The following GRM8 variants were observed in gnomAD, a reference collection of about 807,000 sequenced individuals.
GRM8 encodes metabotropic glutamate receptor 8.
Under a neutral mutation model 87.2 loss-of-function variants are expected in GRM8, and 47 were observed. The observed-to-expected ratio is 0.54, with a 90% CI of 0.43 to 0.69. GRM8 has a LOEUF of 0.69. Ranked by LOEUF, GRM8 falls within the 30% of genes least tolerant of loss-of-function variation. The probability of loss-of-function intolerance (pLI) is 0.00; values close to 1 mark genes in which losing one functional copy is unlikely to be tolerated. For synonymous variants in GRM8, 396 were observed against 404.5 expected, an observed-to-expected ratio of 0.98 and a Z score of 0.25; for missense variants, 1,019 against 1,139.2, an observed-to-expected ratio of 0.89 and a Z score of 1.52.
chr7:127,003,665 A>G (rs551180025), intron 3 of GRM8, among the ~76,000 whole-genome samples: 3 of 151,922 alleles, frequency 2.0e-5, no homozygotes, highest in African/African-American at 7.2e-5. Flanking sequence ...GTAACACGTC[A>G]AAGTCTAAAC....
At chr7:126,558,672 A>G (rs898753105) in intron 8 of GRM8, among the ~76,000 whole-genome samples, 11 of 152,196 alleles carry the variant, frequency 7.2e-5, no homozygotes, top group Admixed American at 2.0e-4. Flanking sequence ...AATAATGATG[A>G]GAAAAAAAAG....
intron 2 of GRM8, among the ~76,000 whole-genome samples, chr7:127,179,745 T>C (rs965114114): frequency 2.6e-5 from 4 of 152,156 alleles, no homozygotes; most frequent in Admixed American, 1.3e-4. Context: ...TGTTCCTGAA[T>C]GAGCATTGGG....
At chr7:126,558,620 G>A (rs531504201) in intron 8 of GRM8, among the ~76,000 whole-genome samples, 1 of 152,210 alleles carries the variant, frequency 6.6e-6, no homozygotes, top group African/African-American at 2.4e-5. Flanking sequence ...CTCATACAAT[G>A]TAAATTCTAC....
chr7:127,202,359 G>A (rs1021425356), intron 2 of GRM8, among the ~76,000 whole-genome samples: 2 of 152,028 alleles, frequency 1.3e-5, no homozygotes, highest in Non-Finnish European at 2.9e-5. Context: ...TGTATTTTTA[G>A]TAGAAACAGG....
At chr7:127,199,268 G>A (rs1388909705) in intron 2 of GRM8, among the ~76,000 whole-genome samples, 5 of 152,164 alleles carry the variant, frequency 3.3e-5, no homozygotes, top group African/African-American at 2.4e-5. Flanking sequence ...TTCCTAGAAT[G>A]GATTTTCAAC....
chr7:126,439,908 A>G (rs1801263748), intron 10 of GRM8, among the ~76,000 whole-genome samples: 1 of 151,972 alleles, frequency 6.6e-6, no homozygotes, highest in Non-Finnish European at 1.5e-5. Context: ...AAATAAAAAT[A>G]GAAAAAAGTC....
chr7:126,969,564 T>G (rs1246547244), intron 3 of GRM8, among the ~76,000 whole-genome samples: 1 of 152,196 alleles, frequency 6.6e-6, no homozygotes, highest in Non-Finnish European at 1.5e-5. Flanking sequence ...CAAATTCCAC[T>G]TCTAATTCTA....
chr7:126,970,680 T>C (rs924312362), intron 3 of GRM8, among the ~76,000 whole-genome samples: 1 of 152,192 alleles, frequency 6.6e-6, no homozygotes, highest in Non-Finnish European at 1.5e-5. Flanking sequence ...AACTTTCCAG[T>C]TGCATTCACA....
intron 7 of GRM8, among the ~76,000 whole-genome samples, chr7:126,722,333 A>C (rs1812476366): frequency 6.6e-6 from 1 of 152,096 alleles, no homozygotes; most frequent in South Asian, 2.1e-4. Context: ...TCATCTAGCC[A>C]AGTATCACCA....
At chr7:126,717,496 T>C (rs75722267) in intron 7 of GRM8, among the ~76,000 whole-genome samples, 105 of 152,264 alleles carry the variant, frequency 6.9e-4, no homozygotes, top group East Asian at 5.0e-3. Context: ...CTATGGACTT[T>C]GGGACATACA....
chr7:127,004,572 G>A (rs1814074213), intron 3 of GRM8, among the ~76,000 whole-genome samples: 3 of 151,344 alleles, frequency 2.0e-5, no homozygotes, highest in Admixed American at 6.6e-5. Context: ...GAAAGGACAC[G>A]AGAAATTCCT....
At chr7:127,056,206 A>G (rs1259583239) in intron 3 of GRM8, among the ~76,000 whole-genome samples, 1 of 152,232 alleles carries the variant, frequency 6.6e-6, no homozygotes, top group East Asian at 1.9e-4. Flanking sequence ...ATGGCCATAG[A>G]TCATTCCCAG....
At chr7:126,770,194 A>G in intron 6 of GRM8, 129 bp from the exon 7 acceptor site, 2 of 638,420 alleles carry the variant, frequency 3.1e-6, no homozygotes, top group Non-Finnish European at 5.5e-6. Flanking sequence ...CTTCTGATTA[A>G]TTCTATACTT....
intron 2 of GRM8, among the ~76,000 whole-genome samples, chr7:127,216,014 G>C (rs1422825358): frequency 6.6e-6 from 1 of 152,158 alleles, no homozygotes; most frequent in Non-Finnish European, 1.5e-5. Flanking sequence ...TTGCCACTTT[G>C]TTATGCCAAA....
intron 6 of GRM8, among the ~76,000 whole-genome samples, chr7:126,806,785 C>A (rs971218410): frequency 2.6e-5 from 4 of 152,230 alleles, no homozygotes; most frequent in Non-Finnish European, 4.4e-5. Context: ...AGGTGCCTGC[C>A]GGCTGTGCCG....
At chr7:127,123,710 A>T (rs1827206944) in intron 2 of GRM8, among the ~76,000 whole-genome samples, 1 of 152,192 alleles carries the variant, frequency 6.6e-6, no homozygotes, top group Non-Finnish European at 1.5e-5. Flanking sequence ...CTAATAAAAC[A>T]TTACCAAATT....
At chr7:126,991,058 T>C (rs992284626) in intron 3 of GRM8, among the ~76,000 whole-genome samples, 4 of 152,194 alleles carry the variant, frequency 2.6e-5, no homozygotes, top group Non-Finnish European at 2.9e-5. Flanking sequence ...AAATATTAAC[T>C]AATAATTGCT....
At chr7:126,690,697 A>C (rs900228985) in intron 7 of GRM8, among the ~76,000 whole-genome samples, 4 of 152,154 alleles carry the variant, frequency 2.6e-5, no homozygotes, top group African/African-American at 9.6e-5. Flanking sequence ...TCCAGGAAGA[A>C]TGAGGTACGC....
intron 3 of GRM8, among the ~76,000 whole-genome samples, chr7:127,020,254 A>G (rs1412750639): frequency 1.3e-5 from 2 of 152,062 alleles, no homozygotes; most frequent in Admixed American, 1.3e-4. Flanking sequence ...AGTCACTCTC[A>G]TTTTCCCAAA....
Sources: gnomAD v4.1 joint callset for allele counts (sites outside exome capture counted in the v4.1 genomes callset) on GRCh38, gnomAD v4.1.1 for gene constraint, MANE v1.5 for transcripts, NCBI Gene and HGNC (gene_info 2026-07-23, HGNC 2026-07-21) for gene names.